Variants in CFAP221 observed in about 807,000 individuals in gnomAD.
CFAP221 encodes the protein cilia- and flagella-associated protein 221.
In CFAP221, 97 loss-of-function variants were observed where a neutral mutation model predicts 113.1. That is an observed-to-expected ratio of 0.86 (90% CI 0.73 to 1.02). CFAP221 has a LOEUF of 1.02. Among genes scored for constraint, CFAP221 ranks in the 50% least tolerant of loss-of-function variants. CFAP221 has a pLI of 0.00. For missense variants in CFAP221, 1,025 were observed against 1,013.4 expected, an observed-to-expected ratio of 1.01 and a Z score of -0.16; for synonymous variants, 331 against 354.4, an observed-to-expected ratio of 0.93 and a Z score of 0.74.
intron 6 of CFAP221, among the ~76,000 whole-genome samples, chr2:119,578,733 A>T (rs1682630021): frequency 1.3e-5 from 2 of 152,226 alleles, no homozygotes; most frequent in Non-Finnish European, 2.9e-5. Flanking sequence ...GGAAAAAGTT[A>T]GCATTTGTCA....
intron 22 of CFAP221, 105 bp downstream of exon 22, chr2:119,647,155 C>T (rs1687864603): frequency 1.2e-6 from 1 of 812,716 alleles, no homozygotes; most frequent in Non-Finnish European, 1.9e-6. Flanking sequence ...CCTGAGCTTG[C>T]AACTCAAATG....
chr2:119,633,348 G>GAAAAAA (rs55885662), intron 19 of CFAP221, among the ~76,000 whole-genome samples: 1 of 150,388 alleles, frequency 6.6e-6, no homozygotes. Context: ...ATCCATAAAT[G>GAAAAAA]AAAAAAAAAT....
At chr2:119,611,420 CAAAA>C (rs10689517) in intron 12 of CFAP221, among the ~76,000 whole-genome samples, 1 of 113,492 alleles carries the variant, frequency 8.8e-6, no homozygotes, top group Non-Finnish European at 1.7e-5. Context: ...GAGACAACGT[CAAAA>C]AAAAAAAAAA....
intron 6 of CFAP221, among the ~76,000 whole-genome samples, chr2:119,564,977 T>C (rs1220710126): frequency 6.6e-6 from 1 of 152,186 alleles, no homozygotes; most frequent in Non-Finnish European, 1.5e-5. Flanking sequence ...TCTAAAATGG[T>C]TGTAGGCCTT....
intron 15 of CFAP221, 107 bp from the exon 16 acceptor site, chr2:119,627,541 ATATAC>A: frequency 1.2e-6 from 1 of 813,750 alleles, no homozygotes; most frequent in Non-Finnish European, 1.9e-6. Context: ...ATATATATAT[ATATAC>A]ACACCCACCC....
chr2:119,566,294 T>G (rs1478031530), intron 6 of CFAP221, among the ~76,000 whole-genome samples: 1 of 152,228 alleles, frequency 6.6e-6, no homozygotes, highest in African/African-American at 2.4e-5. Context: ...AGTCGGCTTT[T>G]GCATGTTACC....
chr2:119,599,936 A>G (rs1036115603), intron 7 of CFAP221, among the ~76,000 whole-genome samples: 9 of 152,236 alleles, frequency 5.9e-5, no homozygotes, highest in African/African-American at 1.7e-4. Context: ...GGAAAGGCCC[A>G]TGTGGTTGGG....
intron 2 of CFAP221, among the ~76,000 whole-genome samples, chr2:119,547,986 G>A (rs1680167771): frequency 6.6e-6 from 1 of 152,066 alleles, no homozygotes; most frequent in South Asian, 2.1e-4. Flanking sequence ...GTTTTTTTGA[G>A]ACGGTGTTGT....
intron 12 of CFAP221, among the ~76,000 whole-genome samples, chr2:119,608,886 T>G (rs551423776): frequency 1.3e-5 from 2 of 152,188 alleles, no homozygotes; most frequent in African/African-American, 4.8e-5. Context: ...GGCATTCACA[T>G]GGAGGGAATG....
At chr2:119,545,962 G>C (rs1436714181) in intron 1 of CFAP221, 123 bp from the exon 2 acceptor site, 1 of 654,580 alleles carries the variant, frequency 1.5e-6, no homozygotes, top group Non-Finnish European at 2.5e-6. Flanking sequence ...CCCGCAGAGA[G>C]GAGAGCCAGG....
intron 6 of CFAP221, among the ~76,000 whole-genome samples, chr2:119,576,151 C>T (rs1682426083): frequency 6.6e-6 from 1 of 152,156 alleles, no homozygotes; most frequent in Admixed American, 6.5e-5. Context: ...TTTCTTTTAA[C>T]CTTAAACTAA....
intron 3 of CFAP221, among the ~76,000 whole-genome samples, chr2:119,555,131 C>G (rs1168392465): frequency 1.3e-5 from 2 of 152,148 alleles, no homozygotes; most frequent in Non-Finnish European, 2.9e-5. Context: ...GGCTGTTAAA[C>G]TTATGACTAT....
At chr2:119,554,269 A>G (rs1680627354) in intron 3 of CFAP221, among the ~76,000 whole-genome samples, 2 of 152,244 alleles carry the variant, frequency 1.3e-5, no homozygotes. Flanking sequence ...TTTCAGATCA[A>G]TCCAGATCTG....
intron 21 of CFAP221, among the ~76,000 whole-genome samples, chr2:119,640,725 A>T (rs1687433538): frequency 6.6e-6 from 1 of 152,206 alleles, no homozygotes; most frequent in South Asian, 2.1e-4. Flanking sequence ...AGTGGCCAAG[A>T]AACCTGAGCT....
At chr2:119,636,640 A>T (rs777727900) in intron 19 of CFAP221, among the ~76,000 whole-genome samples, 2 of 152,226 alleles carry the variant, frequency 1.3e-5, no homozygotes, top group Non-Finnish European at 2.9e-5. Flanking sequence ...TGACCACCAG[A>T]GTCACAAAAG....
chr2:119,559,661 C>T, intron 3 of CFAP221, 28 bp from the exon 4 acceptor site: 2 of 1,472,398 alleles, frequency 1.4e-6, no homozygotes, highest in Non-Finnish European at 1.8e-6. Context: ...CCGTGTATTT[C>T]CTCTAAATAC....
chr2:119,611,946 A>C (rs2104701311), intron 13 of CFAP221, among the ~76,000 whole-genome samples: 1 of 152,352 alleles, frequency 6.6e-6, no homozygotes, highest in East Asian at 1.9e-4. Context: ...AATGAACAGC[A>C]CTACATACTT....
chr2:119,587,832 G>T (rs755325695), intron 7 of CFAP221, among the ~76,000 whole-genome samples: 14 of 152,102 alleles, frequency 9.2e-5, no homozygotes, highest in Non-Finnish European at 1.9e-4. Flanking sequence ...TTTTAAGTCC[G>T]GGTATTCATT....
intron 7 of CFAP221, among the ~76,000 whole-genome samples, chr2:119,592,228 C>T (rs372528402): frequency 6.6e-6 from 1 of 152,276 alleles, no homozygotes; most frequent in East Asian, 1.9e-4. Context: ...AATGATGTTA[C>T]TTGATATTGA....
Sources: gnomAD v4.1 joint callset for allele counts (sites outside exome capture counted in the v4.1 genomes callset) on GRCh38, gnomAD v4.1.1 for gene constraint, MANE v1.5 for transcripts, NCBI Gene and HGNC (gene_info 2026-07-23, HGNC 2026-07-21) for gene names.